FAM13A: variants seen among roughly 807,000 people sequenced by gnomAD.
FAM13A encodes the protein family with sequence similarity 13 member A, also known as protein FAM13A.
Under a neutral mutation model 129.6 loss-of-function variants are expected in FAM13A, and 76 were observed. The observed-to-expected ratio is 0.59, with a 90% CI of 0.49 to 0.71. FAM13A has a LOEUF of 0.71. Among genes scored for constraint, FAM13A ranks in the 30% least tolerant of loss-of-function variants. The probability of loss-of-function intolerance (pLI) is 0.00; values close to 1 mark genes in which losing one functional copy is unlikely to be tolerated. For missense variants in FAM13A, 1,108 were observed against 1,249.3 expected, an observed-to-expected ratio of 0.89 and a Z score of 1.70; for synonymous variants, 443 against 449.9, an observed-to-expected ratio of 0.98 and a Z score of 0.20.
At chr4:88,956,900 A>G (rs1204193110) in intron 4 of FAM13A, among the ~76,000 whole-genome samples, 1 of 152,146 alleles carries the variant, frequency 6.6e-6, no homozygotes, top group East Asian at 1.9e-4. Flanking sequence ...TTGAATTATA[A>G]CCCCAAATGT....
At chr4:88,896,232 G>A (rs1329691297) in intron 6 of FAM13A, among the ~76,000 whole-genome samples, 1 of 144,528 alleles carries the variant, frequency 6.9e-6, no homozygotes, top group African/African-American at 2.5e-5. Flanking sequence ...AGATCACATG[G>A]ACACAGGAAG....
chr4:88,758,991 T>C lies in FAM13A; in HGVS notation c.1579-90A>G. The stretch of plus-strand genomic sequence containing the variant: ...AATTCCACTCCTTCAGGATAAAACC[T>C]TCCAAGTCACAGCTGCTAATGCATC... On this transcript the variant is annotated intron_variant, in intron 13 of 23. Transcript: ENST00000264344. 2.9e-6 allele frequency: 4 copies of C among 1,384,990 alleles called. No individual in the cohort carries two copies. The South Asian group carries it at 5.4e-5, about 19-fold the overall frequency. 85.8% of individuals were successfully genotyped at this position (1,384,990 alleles called of 1,614,324 possible).
intron 13 of FAM13A, chr4:88,759,498 A>C (rs1191862974): frequency 6.6e-6 from 1 of 152,196 alleles, no homozygotes; most frequent in African/African-American, 2.4e-5. Flanking sequence ...CTGGGTATTA[A>C]AGCATTGTTG....
At chr4:88,943,716 A>C (rs1186094787) in intron 4 of FAM13A, among the ~76,000 whole-genome samples, 1 of 152,246 alleles carries the variant, frequency 6.6e-6, no homozygotes, top group Non-Finnish European at 1.5e-5. Context: ...GAGAATTTCT[A>C]GAACTCTAAT....
intron 8 of FAM13A, among the ~76,000 whole-genome samples, chr4:88,796,141 TG>T (rs2149698757): frequency 6.6e-6 from 1 of 152,020 alleles, no homozygotes; most frequent in South Asian, 2.1e-4. Flanking sequence ...TTCAATCTTG[TG>T]TTAGGTTACC....
At position 88,746,810 on chromosome 4, in the gene FAM13A, T is replaced by A. The variant is rs1220586030; in HGVS notation, c.2466+122A>T. The A allele has an allele frequency of 2.3e-5, 16 of 685,784 alleles. No individual in the cohort carries two copies. In the East Asian group the frequency reaches 4.2e-4, roughly 18 times the overall value. 42.5% of individuals were successfully genotyped at this position (685,784 alleles called of 1,614,324 possible). A position where few individuals can be genotyped will look rare whatever the true frequency, so the allele number is the denominator to read the frequency against. On this transcript the variant is annotated intron_variant, in intron 19 of 23. Coordinates refer to ENST00000264344, the MANE Select transcript of FAM13A (RefSeq NM_014883.4). ...ATGGTGTAAATATATACTAACCTCC[T>A]TTATCCTAAAAGTAAAGCAAGCAAA...
At chr4:89,020,982 CA>C (rs1767182665) in intron 2 of FAM13A, among the ~76,000 whole-genome samples, 1 of 152,168 alleles carries the variant, frequency 6.6e-6, no homozygotes, top group Non-Finnish European at 1.5e-5. Context: ...TCTTCTAGAG[CA>C]CATAACAAAA....
chr4:88,963,818 T>C (rs1349953607), intron 4 of FAM13A, among the ~76,000 whole-genome samples: 1 of 152,204 alleles, frequency 6.6e-6, no homozygotes, highest in African/African-American at 2.4e-5. Flanking sequence ...AAACATACTA[T>C]ACTCAATTTA....
At chr4:89,003,231 T>C (rs111303854) in intron 3 of FAM13A, among the ~76,000 whole-genome samples, 21 of 147,642 alleles carry the variant, frequency 1.4e-4, no homozygotes, top group African/African-American at 3.9e-4. Flanking sequence ...AAATAAAGAA[T>C]GGATAAATTA....
chr4:88,758,998 T>C (rs1286611254), intron 13 of FAM13A, 97 bp from the exon 14 acceptor site: 2 of 1,290,718 alleles, frequency 1.5e-6, no homozygotes, highest in African/African-American at 1.5e-5. Flanking sequence ...ACCTTCCAAG[T>C]CACAGCTGCT....
intron 7 of FAM13A, among the ~76,000 whole-genome samples, chr4:88,810,593 T>G (rs1729483754): frequency 6.6e-6 from 1 of 152,068 alleles, no homozygotes. Flanking sequence ...AAAACATGCC[T>G]AACAAAGGTG....
intron 10 of FAM13A, among the ~76,000 whole-genome samples, chr4:88,786,141 GC>G (rs1046594543): frequency 1.7e-4 from 26 of 152,136 alleles, no homozygotes; most frequent in Admixed American, 1.0e-3. Flanking sequence ...ACATTTCCCT[GC>G]CCTGTCTGGC....
chr4:88,894,477 G>C (rs1403529294), intron 6 of FAM13A, among the ~76,000 whole-genome samples: 2 of 152,008 alleles, frequency 1.3e-5, no homozygotes, highest in Non-Finnish European at 2.9e-5. Flanking sequence ...TATATATATA[G>C]ATATGCAGTG....
intron 6 of FAM13A, among the ~76,000 whole-genome samples, chr4:88,887,433 G>T (rs572238037): frequency 1.3e-5 from 2 of 152,158 alleles, no homozygotes; most frequent in African/African-American, 4.8e-5. Flanking sequence ...CTTTTGTAAG[G>T]CTTTGAAGCC....
intron 1 of FAM13A, among the ~76,000 whole-genome samples, chr4:89,037,573 G>A (rs778712341): frequency 2.6e-5 from 4 of 152,168 alleles, no homozygotes; most frequent in Admixed American, 6.5e-5. Context: ...ATTAAGACTC[G>A]GGGGACTGCT....
At chr4:89,054,133 C>A (rs1025924960) in intron 1 of FAM13A, among the ~76,000 whole-genome samples, 5 of 152,016 alleles carry the variant, frequency 3.3e-5, no homozygotes, top group African/African-American at 1.2e-4. Flanking sequence ...TCATGAGCAG[C>A]AAAATTTCTT....
intron 7 of FAM13A, among the ~76,000 whole-genome samples, chr4:88,824,793 C>T (rs568872914): frequency 1.2e-4 from 18 of 152,012 alleles, no homozygotes; most frequent in East Asian, 3.9e-4. Flanking sequence ...CTGCAACCTC[C>T]GCCTCCTGGG....
chr4:89,037,066 T>C (rs1205371793), intron 1 of FAM13A, among the ~76,000 whole-genome samples: 1 of 151,602 alleles, frequency 6.6e-6, no homozygotes, highest in East Asian at 1.9e-4. Context: ...CATACAAGAG[T>C]CCCCACTGGG....
chr4:88,759,785 A>G (rs1196119230), intron 13 of FAM13A, among the ~76,000 whole-genome samples: 1 of 152,166 alleles, frequency 6.6e-6, no homozygotes, highest in Admixed American at 6.5e-5. Flanking sequence ...TGAGGGATGG[A>G]GAGATCCTCC....
Sources: gnomAD v4.1 joint callset for allele counts (sites outside exome capture counted in the v4.1 genomes callset) on GRCh38, gnomAD v4.1.1 for gene constraint, MANE v1.5 for transcripts, NCBI Gene and HGNC (gene_info 2026-07-23, HGNC 2026-07-21) for gene names.